Variants in EML4 observed in about 807,000 individuals in gnomAD.
EML4 encodes EMAP like 4.
A neutral mutation model predicts 129.0 loss-of-function variants in EML4; 72 were observed. That is an observed-to-expected ratio of 0.56 (90% CI 0.46 to 0.68). EML4 has a LOEUF of 0.68. EML4 is among the 30% of genes least tolerant of loss of function. The probability of loss-of-function intolerance (pLI) is 0.00; values close to 1 mark genes in which losing one functional copy is unlikely to be tolerated. For synonymous variants in EML4, 532 were observed against 405.0 expected, an observed-to-expected ratio of 1.31 and a Z score of -3.77; for missense variants, 1,363 against 1,190.6, an observed-to-expected ratio of 1.14 and a Z score of -2.13.
At position 42,331,482 on chromosome 2, in the gene EML4, T is replaced by G. The variant is rs531039903; in HGVS notation, c.*1275T>G. On this transcript the variant is annotated 3_prime_UTR_variant, in exon 23 of 23. Transcript: ENST00000318522. ...CTTTAAGAGTAATTACTGACAAATA[T>G]GTATTTCCTATATGTTTATACTTTG... 2 of 223,680 alleles carry G rather than the reference T, an allele frequency of 8.9e-6. No individual in the cohort carries two copies. The highest frequency in any genetic ancestry group is 3.7e-4 in the South Asian group (2 of 5,440). 13.9% of individuals were successfully genotyped at this position (223,680 alleles called of 1,614,324 possible).
chr2:42,256,370 G>C (rs1363172912), intron 2 of EML4, 131 bp from the exon 3 acceptor site: 2 of 817,132 alleles, frequency 2.4e-6, no homozygotes, highest in Non-Finnish European at 3.7e-6. Context: ...TTCTGCTCAA[G>C]AGTTATAAAC....
chr2:42,303,005 A>C, intron 14 of EML4, 99 bp from the exon 15 acceptor site: 1 of 1,270,616 alleles, frequency 7.9e-7, no homozygotes, highest in Non-Finnish European at 1.1e-6. Context: ...GGCTTTCGTC[A>C]TAATTACCTC....
At chr2:42,213,943 A>G (rs959596129) in intron 1 of EML4, among the ~76,000 whole-genome samples, 3 of 152,208 alleles carry the variant, frequency 2.0e-5, no homozygotes, top group Admixed American at 1.3e-4. Flanking sequence ...TTTAAAATTA[A>G]TTCCATCAAC....
chr2:42,239,732 C>G lies in EML4; in HGVS notation c.26-5773C>G, dbSNP rs149191838. Reference sequence around the variant, plus strand: ...AAAATGTTTAAAGGGAGGGGATTACCATTTTTAGCTTATACTCCTACTCTA... The same window carrying G: ...AAAATGTTTAAAGGGAGGGGATTACGATTTTTAGCTTATACTCCTACTCTA... On this transcript the variant is annotated intron_variant, in intron 1 of 22. Transcript: ENST00000318522. 9.9e-3 allele frequency among the ~76,000 whole-genome samples: 1,214 copies of G among 122,896 alleles called. 15 individuals carry two copies. The highest frequency in any genetic ancestry group is 0.041 in the Middle Eastern group (9 of 222). 80.6% of individuals were successfully genotyped at this position (122,896 alleles called of 152,430 possible).
At chr2:42,180,653 C>A (rs1171299284) in intron 1 of EML4, among the ~76,000 whole-genome samples, 1 of 152,196 alleles carries the variant, frequency 6.6e-6, no homozygotes, top group Admixed American at 6.5e-5. Flanking sequence ...TGCCCTATCA[C>A]CCTCTAACAT....
At chr2:42,185,095 G>A (rs1190330277) in intron 1 of EML4, among the ~76,000 whole-genome samples, 3 of 151,978 alleles carry the variant, frequency 2.0e-5, no homozygotes, top group African/African-American at 7.3e-5. Context: ...TAATACCTGA[G>A]CATATATTGA....
chr2:42,292,844 T>C (rs1044446114), intron 11 of EML4, among the ~76,000 whole-genome samples: 1 of 152,238 alleles, frequency 6.6e-6, no homozygotes, highest in African/African-American at 2.4e-5. Flanking sequence ...CATAGATTTC[T>C]TCAGTTTATA....
Position 42,330,419 on chromosome 2 carries a change from A to G in EML4, c.*212A>G, listed in dbSNP as rs1235218457. 1.6e-6 allele frequency: 1 copy of G among 636,146 alleles called. No homozygotes were observed. Among genetic ancestry groups the G allele is most frequent in the Non-Finnish European group, 2.8e-6 (1 of 351,478 alleles). The allele number at this position is 636,146 out of a possible 1,614,324, so 39.4% of individuals were successfully genotyped here. ...GTTTATTGAAAATTAACCAAACTTA[A>G]TACTAGGAGAAGACTGAATCATTAA... On this transcript the variant is annotated 3_prime_UTR_variant, in exon 23 of 23. Coordinates refer to ENST00000318522, the MANE Select transcript of EML4 (RefSeq NM_019063.5).
intron 1 of EML4, among the ~76,000 whole-genome samples, chr2:42,181,047 G>A (rs767247366): frequency 6.6e-6 from 1 of 152,150 alleles, no homozygotes; most frequent in Non-Finnish European, 1.5e-5. Flanking sequence ...ATCCTATTAG[G>A]TGGCACACAA....
chr2:42,183,340 G>T (rs1223622431), intron 1 of EML4, among the ~76,000 whole-genome samples: 1 of 152,196 alleles, frequency 6.6e-6, no homozygotes, highest in Non-Finnish European at 1.5e-5. Flanking sequence ...ATTATTCACT[G>T]TTAGGAGGTC....
At chr2:42,192,340 A>G (rs1010707380) in intron 1 of EML4, among the ~76,000 whole-genome samples, 21 of 151,476 alleles carry the variant, frequency 1.4e-4, no homozygotes, top group African/African-American at 4.4e-4. Flanking sequence ...GCTGGCTTCA[A>G]GAGATTCTCC....
At chr2:42,226,425 C>G (rs1020827294) in intron 1 of EML4, among the ~76,000 whole-genome samples, 1 of 117,654 alleles carries the variant, frequency 8.5e-6, no homozygotes, top group Non-Finnish European at 2.0e-5. Flanking sequence ...TTTGGGAGGC[C>G]GAGGCGGGCG....
At chr2:42,191,383 A>G (rs987765852) in intron 1 of EML4, among the ~76,000 whole-genome samples, 2 of 152,014 alleles carry the variant, frequency 1.3e-5, no homozygotes, top group Non-Finnish European at 2.9e-5. Context: ...AACATCCTCA[A>G]AGTTTCCCTC....
At chr2:42,230,679 T>C (rs1674281066) in intron 1 of EML4, among the ~76,000 whole-genome samples, 1 of 152,246 alleles carries the variant, frequency 6.6e-6, no homozygotes, top group Admixed American at 6.5e-5. Flanking sequence ...GTGCTGGGAT[T>C]ACAGGCGTGA....
At chr2:42,312,434 C>A (rs1049023060) in intron 17 of EML4, among the ~76,000 whole-genome samples, 7 of 152,160 alleles carry the variant, frequency 4.6e-5, no homozygotes, top group African/African-American at 1.4e-4. Flanking sequence ...GAAACATTTA[C>A]AGTCTATTCT....
chr2:42,275,860 C>T (rs898337329), intron 6 of EML4, among the ~76,000 whole-genome samples: 3 of 151,866 alleles, frequency 2.0e-5, no homozygotes, highest in Non-Finnish European at 4.4e-5. Context: ...GGTAGTTTTC[C>T]TCACTTTCCT....
intron 1 of EML4, among the ~76,000 whole-genome samples, chr2:42,216,797 A>G (rs1036744006): frequency 6.6e-6 from 1 of 152,176 alleles, no homozygotes; most frequent in South Asian, 2.1e-4. Context: ...TTTGCAATGG[A>G]GGAAAGCTAT....
intron 3 of EML4, among the ~76,000 whole-genome samples, chr2:42,257,913 A>T (rs1019191989): frequency 6.6e-6 from 1 of 152,150 alleles, no homozygotes; most frequent in Non-Finnish European, 1.5e-5. Context: ...TTCCCCTACA[A>T]AGGATGCTAA....
chr2:42,245,372 A>G lies in EML4; in HGVS notation c.26-133A>G, dbSNP rs1199647861. ...TGGCCCCTCAAAGTTCTGGAAGTAC[A>G]GGCACGAGCCACTTCACCTAGCCAG... On this transcript the variant is annotated intron_variant, in intron 1 of 22. Transcript: ENST00000318522. 5.2e-6 allele frequency: 4 copies of G among 767,758 alleles called. No homozygotes were observed. The East Asian group carries it at 8.1e-5, about 16-fold the overall frequency. The allele number at this position is 767,758 out of a possible 1,614,324, so 47.6% of individuals were successfully genotyped here.
Sources: gnomAD v4.1 joint callset for allele counts (sites outside exome capture counted in the v4.1 genomes callset) on GRCh38, gnomAD v4.1.1 for gene constraint, MANE v1.5 for transcripts, NCBI Gene and HGNC (gene_info 2026-07-23, HGNC 2026-07-21) for gene names.